Variants in CHPT1 observed in about 807,000 individuals in gnomAD.
The protein encoded by CHPT1 is choline phosphotransferase 1.
In CHPT1, 36 loss-of-function variants were observed where a neutral mutation model predicts 47.6. The observed-to-expected ratio is 0.76, with a 90% CI of 0.58 to 1.00. The LOEUF (loss-of-function observed/expected upper bound fraction) is 1.00, where lower values mean the gene tolerates loss of function less well. Among genes scored for constraint, CHPT1 ranks in the 50% least tolerant of loss-of-function variants. The pLI is 0.00. For synonymous variants in CHPT1, 194 were observed against 186.3 expected, an observed-to-expected ratio of 1.04 and a Z score of -0.33; for missense variants, 458 against 498.1, an observed-to-expected ratio of 0.92 and a Z score of 0.77.
At chr12:101,727,046 A>C (rs1359988784) in intron 8 of CHPT1, 1 of 152,210 alleles carries the variant, frequency 6.6e-6, no homozygotes, top group Non-Finnish European at 1.5e-5. Flanking sequence ...AAAACATACG[A>C]ATCTTTATAC....
intron 1 of CHPT1, among the ~76,000 whole-genome samples, chr12:101,702,375 A>G (rs1257003017): frequency 1.3e-5 from 2 of 152,238 alleles, no homozygotes; most frequent in Non-Finnish European, 2.9e-5. Context: ...GGTCAGGTCA[A>G]AGGGCATTAA....
chr12:101,712,619 A>T (rs1470305631), intron 1 of CHPT1, among the ~76,000 whole-genome samples: 5 of 148,242 alleles, frequency 3.4e-5, no homozygotes, highest in African/African-American at 1.2e-4. Flanking sequence ...GTCATTTTGG[A>T]TAGTTTCCAT....
At chr12:101,707,722 A>T (rs2137006374) in intron 1 of CHPT1, among the ~76,000 whole-genome samples, 1 of 152,190 alleles carries the variant, frequency 6.6e-6, no homozygotes, top group African/African-American at 2.4e-5. Context: ...GGAGTTTTGG[A>T]TTGGGTATGT....
At chr12:101,701,876 T>C (rs984731183) in intron 1 of CHPT1, among the ~76,000 whole-genome samples, 3 of 152,218 alleles carry the variant, frequency 2.0e-5, no homozygotes, top group East Asian at 1.9e-4. Flanking sequence ...TCAACCCTTA[T>C]TCAGTTTTAG....
chr12:101,703,511 A>C (rs1951583947), intron 1 of CHPT1, among the ~76,000 whole-genome samples: 3 of 152,174 alleles, frequency 2.0e-5, no homozygotes, highest in Non-Finnish European at 4.4e-5. Flanking sequence ...CTAATTTCCT[A>C]AAAATGGATG....
At chr12:101,698,905 T>C (rs1951507300) in intron 1 of CHPT1, among the ~76,000 whole-genome samples, 1 of 152,240 alleles carries the variant, frequency 6.6e-6, no homozygotes, top group Non-Finnish European at 1.5e-5. Context: ...CTATAGTTTA[T>C]ACTACGTGGG....
chr12:101,718,323 A>G (rs564993113), intron 4 of CHPT1, among the ~76,000 whole-genome samples: 1 of 152,340 alleles, frequency 6.6e-6, no homozygotes, highest in South Asian at 2.1e-4. Flanking sequence ...TAACAAACGT[A>G]CCACGCTGGT....
At chr12:101,720,399 A>G (rs1165620776) in intron 5 of CHPT1, 145 bp downstream of exon 5, 2 of 705,534 alleles carry the variant, frequency 2.8e-6, no homozygotes, top group African/African-American at 1.9e-5. Flanking sequence ...ACATAGTACA[A>G]AAGCATTTTA....
At chr12:101,719,651 G>A (rs566616812) in intron 4 of CHPT1, 16 of 427,198 alleles carry the variant, frequency 3.7e-5, no homozygotes, top group African/African-American at 3.4e-4. Context: ...CTTTTTAGAA[G>A]CTACTAAATT....
intron 1 of CHPT1, among the ~76,000 whole-genome samples, chr12:101,707,334 T>C (rs1401957916): frequency 6.6e-6 from 1 of 152,202 alleles, no homozygotes; most frequent in South Asian, 2.1e-4. Flanking sequence ...TTGAGAGTTA[T>C]GCTGCAAAGA....
intron 1 of CHPT1, among the ~76,000 whole-genome samples, chr12:101,707,978 C>T (rs1021079846): frequency 7.9e-5 from 12 of 152,166 alleles, no homozygotes; most frequent in African/African-American, 2.9e-4. Flanking sequence ...CAGTTCACCT[C>T]TGGATGTTTT....
At chr12:101,713,947 A>G in intron 1 of CHPT1, 143 bp from the exon 2 acceptor site, 1 of 535,210 alleles carries the variant, frequency 1.9e-6, no homozygotes, top group Non-Finnish European at 3.3e-6. Context: ...TGATTTCTCA[A>G]TTTAATTCGC....
Position 101,714,199 on chromosome 12 carries a change from G to C in CHPT1, c.383G>C (p.Gly128Ala). ...AGAACAAACTCTTGTTCCCCTTTAG[G>C]GGAGCTCTTTGACCATGGCTGTGAC... ...ARRTNSCSPL[G>A]ELFDHGCDSL... is the part of the protein sequence containing the mutation. Residue 128 changes from glycine to alanine, a missense_variant, in exon 2 of 9, where the codon GGG becomes GCG. By Grantham distance (60) the Gly-to-Ala change is moderately conservative. Transcript: ENST00000229266. 1 of 1,611,394 alleles carries C rather than the reference G, an allele frequency of 6.2e-7. No homozygotes were observed. The highest frequency in any genetic ancestry group is 8.5e-7 in the Non-Finnish European group (1 of 1,178,960).
chr12:101,719,724 C>T (rs1951818295), intron 4 of CHPT1: 1 of 302,548 alleles, frequency 3.3e-6, no homozygotes, highest in Admixed American at 4.8e-5. Context: ...AACATTTAGT[C>T]ATAGTTATAT....
chr12:101,726,904 A>C (rs985792158), intron 8 of CHPT1: 1 of 154,490 alleles, frequency 6.5e-6, no homozygotes, highest in Non-Finnish European at 1.4e-5. Context: ...TTTTTATACT[A>C]ATCATTTTTC....
chr12:101,709,075 G>A (rs1951670713), intron 1 of CHPT1, among the ~76,000 whole-genome samples: 1 of 148,410 alleles, frequency 6.7e-6, no homozygotes, highest in Non-Finnish European at 1.5e-5. Context: ...TTGAGTTAGG[G>A]AGGCTCTGTA....
At position 101,709,592 on chromosome 12, in the gene CHPT1, A is replaced by T. The variant is rs1292681875; in HGVS notation, c.274-4498A>T. On this transcript the variant is annotated intron_variant, in intron 1 of 8. Transcript: ENST00000229266. ...GAGGTGGTGACCAAAGGAAAAAGAG[A>T]AGATAGGTCTGGCTCCTGAGGCCTT... Among the ~76,000 whole-genome samples the T allele has an allele frequency of 1.3e-5, 2 of 148,314 alleles. 1 individual carries two copies. The highest frequency in any genetic ancestry group is 3.0e-5 in the Non-Finnish European group (2 of 66,358).
At chr12:101,720,298 T>C (rs1026066811) in intron 5 of CHPT1, 44 bp downstream of exon 5, 2 of 1,501,006 alleles carry the variant, frequency 1.3e-6, no homozygotes, top group Non-Finnish European at 1.8e-6. Context: ...TTATGATACA[T>C]TTTCTTATCA....
chr12:101,726,883 TTC>T (rs58797915), intron 8 of CHPT1: 27,406 of 156,520 alleles, frequency 0.18, 2,751 homozygotes, highest in East Asian at 0.48. Flanking sequence ...TCAAGTTATG[TTC>T]TAAGAAATTT....
Sources: gnomAD v4.1 joint callset for allele counts (sites outside exome capture counted in the v4.1 genomes callset) on GRCh38, gnomAD v4.1.1 for gene constraint, MANE v1.5 for transcripts, NCBI Gene and HGNC (gene_info 2026-07-23, HGNC 2026-07-21) for gene names.